ZBTB46: variants seen among roughly 807,000 people sequenced by gnomAD.
The protein encoded by ZBTB46 is zinc finger and BTB domain-containing protein 46.
ZBTB46 carries 8 observed loss-of-function variants against 44.1 expected under a neutral mutation model. The ratio of observed to expected loss-of-function variants is 0.18; its 90% confidence interval spans 0.11 to 0.33. ZBTB46 has a LOEUF of 0.33. ZBTB46 is among the 10% of genes least tolerant of loss of function. The probability of loss-of-function intolerance (pLI) is 1.00; values close to 1 mark genes in which losing one functional copy is unlikely to be tolerated. For missense variants in ZBTB46, 651 were observed against 847.7 expected (o/e 0.77, Z 2.88); for synonymous variants, 409 against 382.3 (o/e 1.07, Z -0.81).
intron 3 of ZBTB46, among the ~76,000 whole-genome samples, chr20:63,754,727 G>A (rs942639480): frequency 6.6e-6 from 1 of 151,978 alleles, no homozygotes; most frequent in African/African-American, 2.4e-5. Context: ...AGCCTCCCGA[G>A]TAGCTGGGAC....
chr20:63,769,482 G>T (rs952720677), intron 3 of ZBTB46: 1 of 977,604 alleles, frequency 1.0e-6, no homozygotes, highest in Non-Finnish European at 1.2e-6. Context: ...CCCGGCATGC[G>T]GTGTGAGCCC....
intron 2 of ZBTB46, among the ~76,000 whole-genome samples, chr20:63,781,417 C>T (rs985026265): frequency 2.0e-5 from 3 of 152,116 alleles, no homozygotes; most frequent in Non-Finnish European, 4.4e-5. Context: ...AATCGAAACA[C>T]GGCAAAAAGA....
At chr20:63,816,144 CAGGTGCAGT>C (rs2092756257) in intron 1 of ZBTB46, among the ~76,000 whole-genome samples, 3 of 149,592 alleles carry the variant, frequency 2.0e-5, no homozygotes, top group Non-Finnish European at 4.4e-5. Flanking sequence ...GCAGTGGGTG[CAGGTGCAGT>C]GGGTGCAGGT....
rs1269488847 is a variant in ZBTB46 at position 63,767,118 on chromosome 20, G to A, written c.1222+8560C>T. 1.3e-5 allele frequency among the ~76,000 whole-genome samples: 2 copies of A among 152,224 alleles called. No individual in the cohort carries two copies. The highest frequency in any genetic ancestry group is 2.4e-5 in the African/African-American group (1 of 41,456). On this transcript the variant is annotated intron_variant, in intron 3 of 4. Coordinates refer to ENST00000245663, the MANE Select transcript of ZBTB46 (RefSeq NM_001369741.1). This position sits in a 1 kb window ranked among gnomAD's most constrained non-coding sequence, Gnocchi z 5.0. ...TCTTTCTGAAAAGCAGCACATTCCC[G>A]TAATTCCACGCCGACACGTGGAGCG...
At chr20:63,766,770 T>C (rs578126850) in intron 3 of ZBTB46, among the ~76,000 whole-genome samples, 1 of 152,104 alleles carries the variant, frequency 6.6e-6, no homozygotes, top group Non-Finnish European at 1.5e-5. Flanking sequence ...AACATAAAGA[T>C]TTGAGGAACC....
chr20:63,808,976 CAAAAAAAAAAAAAAAAAAAAAAAGAAA>C (rs1471475038), intron 1 of ZBTB46, among the ~76,000 whole-genome samples: 3 of 75,232 alleles, frequency 4.0e-5, no homozygotes, highest in African/African-American at 1.4e-4. Context: ...GACTCCGCTT[CAAAAAAAAAAAAAAAAAAAAAAAGAAA>C]AAGAAAAAAA....
intron 2 of ZBTB46, among the ~76,000 whole-genome samples, chr20:63,781,885 A>T (rs559522416): frequency 6.6e-6 from 1 of 151,862 alleles, no homozygotes; most frequent in African/African-American, 2.4e-5. Flanking sequence ...GGAGATCGAG[A>T]CCATCCTGAC....
At chr20:63,747,621 G>C (rs2092117258) in intron 4 of ZBTB46, among the ~76,000 whole-genome samples, 1 of 151,402 alleles carries the variant, frequency 6.6e-6, no homozygotes, top group African/African-American at 2.4e-5. Context: ...CACAGGCAGA[G>C]ACTCCTGGTG....
At chr20:63,749,271 C>A (rs1003117732) in intron 4 of ZBTB46, among the ~76,000 whole-genome samples, 1 of 152,220 alleles carries the variant, frequency 6.6e-6, no homozygotes, top group Non-Finnish European at 1.5e-5. Context: ...CACGCTAACC[C>A]TAGAAACAGA....
Position 63,804,631 on chromosome 20 carries a change from C to T in ZBTB46, c.-33-13841G>A, listed in dbSNP as rs930094603. Among the ~76,000 whole-genome samples the T allele has an allele frequency of 3.3e-5, 5 of 152,158 alleles. No homozygotes were observed. In the East Asian group the frequency reaches 7.8e-4, roughly 24 times the overall value. ...GTACCAGGCCGGGCACGGTGGCTCA[C>T]GCCTGTAATCCCAGCACTTTGGGAG... On this transcript the variant is annotated intron_variant, in intron 1 of 4. Coordinates refer to ENST00000245663, the MANE Select transcript of ZBTB46 (RefSeq NM_001369741.1).
upstream of ZBTB46, among the ~76,000 whole-genome samples, chr20:63,831,435 C>G: frequency 7.0e-6 from 1 of 143,884 alleles, no homozygotes; most frequent in Non-Finnish European, 1.5e-5. Flanking sequence ...CGGCCGCCGG[C>G]CCCGCCCCTC....
chr20:63,806,944 G>A (rs1189513537), intron 1 of ZBTB46, among the ~76,000 whole-genome samples: 7 of 152,024 alleles, frequency 4.6e-5, no homozygotes, highest in African/African-American at 9.7e-5. Flanking sequence ...CACCACACCC[G>A]GCTAATTTTT....
intron 3 of ZBTB46, among the ~76,000 whole-genome samples, chr20:63,759,368 A>C (rs913201513): frequency 5.3e-4 from 80 of 152,176 alleles, no homozygotes; most frequent in African/African-American, 1.8e-3. Context: ...GCTTTTACTT[A>C]TTCCCTTCCA....
intron 2 of ZBTB46, among the ~76,000 whole-genome samples, chr20:63,779,505 C>T (rs533728690): frequency 4.4e-4 from 66 of 149,902 alleles, no homozygotes; most frequent in Middle Eastern, 6.9e-3. Flanking sequence ...CTGCAAGCTC[C>T]GCCTCCCAGG....
intron 3 of ZBTB46, among the ~76,000 whole-genome samples, chr20:63,765,870 C>T (rs991154248): frequency 3.3e-5 from 5 of 152,214 alleles, no homozygotes; most frequent in Non-Finnish European, 5.9e-5. Context: ...TTTTTAGGTT[C>T]TATGGCACAT....
At chr20:63,755,498 T>C (rs1254975898) in intron 3 of ZBTB46, among the ~76,000 whole-genome samples, 1 of 152,224 alleles carries the variant, frequency 6.6e-6, no homozygotes, top group Non-Finnish European at 1.5e-5. Flanking sequence ...ACACTTGTGA[T>C]TGGACTTAGG....
intron 1 of ZBTB46, among the ~76,000 whole-genome samples, chr20:63,797,062 GTTTGTTA>G (rs1292585460): frequency 6.6e-6 from 1 of 152,042 alleles, no homozygotes; most frequent in Non-Finnish European, 1.5e-5. Context: ...CAACGTGCAG[GTTTGTTA>G]CATACGTACA....
At chr20:63,827,640 AC>A (rs1344432702) in intron 1 of ZBTB46, among the ~76,000 whole-genome samples, 1 of 150,870 alleles carries the variant, frequency 6.6e-6, no homozygotes, top group East Asian at 2.0e-4. Flanking sequence ...AAAAAAAAAA[AC>A]CACAAAAGAT....
At chr20:63,812,957 G>C (rs2092726018) in intron 1 of ZBTB46, among the ~76,000 whole-genome samples, 1 of 152,124 alleles carries the variant, frequency 6.6e-6, no homozygotes, top group South Asian at 2.1e-4. Flanking sequence ...TATTAGCTGG[G>C]TGTGATGGCG....
Sources: gnomAD v4.1 joint callset for allele counts (sites outside exome capture counted in the v4.1 genomes callset) on GRCh38, gnomAD v4.1.1 for gene constraint, Gnocchi (gnomAD v3.1) non-coding constraint, MANE v1.5 for transcripts, NCBI Gene and HGNC (gene_info 2026-07-23, HGNC 2026-07-21) for gene names.